The following KAT6A variants were observed in gnomAD, a reference collection of about 807,000 sequenced individuals.
The protein encoded by KAT6A is lysine acetyltransferase 6A.
In KAT6A, 9 loss-of-function variants were observed where a neutral mutation model predicts 198.4. That is an observed-to-expected ratio of 0.05 (90% CI 0.03 to 0.08). KAT6A has a LOEUF of 0.08. KAT6A is among the 10% of genes least tolerant of loss of function. The probability of loss-of-function intolerance (pLI) is 1.00; values close to 1 mark genes in which losing one functional copy is unlikely to be tolerated. For synonymous variants in KAT6A, 890 were observed against 883.0 expected (o/e 1.01, Z -0.14); for missense variants, 2,077 against 2,509.9 (o/e 0.83, Z 3.69).
At chr8:42,012,638 A>G (rs1826077049) in intron 2 of KAT6A, among the ~76,000 whole-genome samples, 2 of 152,262 alleles carry the variant, frequency 1.3e-5, no homozygotes, top group African/African-American at 4.8e-5. Flanking sequence ...TACTAATTTC[A>G]GACTTCCGAC....
At chr8:42,027,941 C>T (rs1826914960) in intron 2 of KAT6A, among the ~76,000 whole-genome samples, 1 of 152,052 alleles carries the variant, frequency 6.6e-6, no homozygotes, top group Non-Finnish European at 1.5e-5. Context: ...CTTAACTCTG[C>T]TTTTGCTATA....
At chr8:41,998,593 G>C (rs535149355) in intron 2 of KAT6A, among the ~76,000 whole-genome samples, 3 of 152,038 alleles carry the variant, frequency 2.0e-5, no homozygotes, top group Admixed American at 2.0e-4. Flanking sequence ...CCTATGCCTT[G>C]CACTTAGTAT....
At chr8:42,009,924 A>C (rs1474060941) in intron 2 of KAT6A, among the ~76,000 whole-genome samples, 2 of 149,012 alleles carry the variant, frequency 1.3e-5, no homozygotes, top group African/African-American at 2.5e-5. Context: ...ACAAAAAAAA[A>C]CAAAACCACA....
chr8:42,038,748 A>C (rs1827495933), intron 2 of KAT6A, among the ~76,000 whole-genome samples: 1 of 152,212 alleles, frequency 6.6e-6, no homozygotes, highest in South Asian at 2.1e-4. Context: ...TTTTTCTAAT[A>C]ATCTATGTTT....
chr8:42,009,460 C>T (rs1825905005), intron 2 of KAT6A, among the ~76,000 whole-genome samples: 1 of 151,242 alleles, frequency 6.6e-6, no homozygotes, highest in Non-Finnish European at 1.5e-5. Flanking sequence ...AAAAAACACC[C>T]TACATAAAAG....
chr8:42,044,342 AC>A (rs534270793), intron 2 of KAT6A, among the ~76,000 whole-genome samples: 167 of 149,706 alleles, frequency 1.1e-3, no homozygotes, highest in Non-Finnish European at 1.8e-3. Flanking sequence ...CAGGTGATCC[AC>A]CCCCCCCTCG....
intron 2 of KAT6A, among the ~76,000 whole-genome samples, chr8:42,034,449 C>T (rs966260631): frequency 1.3e-5 from 2 of 152,112 alleles, no homozygotes; most frequent in African/African-American, 4.8e-5. Flanking sequence ...TTTGGAGCAA[C>T]GCACGGGAAT....
intron 2 of KAT6A, among the ~76,000 whole-genome samples, chr8:41,989,575 CTAAAA>C: frequency 6.6e-6 from 1 of 151,942 alleles, no homozygotes; most frequent in African/African-American, 2.4e-5. Flanking sequence ...CATAACATAA[CTAAAA>C]TAAAAAATAA....
chr8:41,976,528 A>C (rs541664563), intron 7 of KAT6A, among the ~76,000 whole-genome samples: 1 of 152,224 alleles, frequency 6.6e-6, no homozygotes, highest in East Asian at 1.9e-4. Flanking sequence ...TTACAACTAT[A>C]TTTGTCAAGA....
chr8:42,027,760 T>C (rs1283265386), intron 2 of KAT6A, among the ~76,000 whole-genome samples: 1 of 152,158 alleles, frequency 6.6e-6, no homozygotes, highest in East Asian at 1.9e-4. Context: ...TTTGTATTTT[T>C]TCAGTTTCTA....
chr8:42,045,817 CAAAAAAAAA>C (rs747713066), intron 2 of KAT6A, among the ~76,000 whole-genome samples: 49 of 63,238 alleles, frequency 7.7e-4, no homozygotes, highest in Non-Finnish European at 1.5e-3. Flanking sequence ...ACTAAAAATA[CAAAAAAAAA>C]AAAAAAAAAG....
At chr8:42,051,710 C>G (rs1352713231) in intron 1 of KAT6A, among the ~76,000 whole-genome samples, 191 bp downstream of exon 1, 1 of 145,444 alleles carries the variant, frequency 6.9e-6, no homozygotes, top group Non-Finnish European at 1.5e-5. Context: ...AGCGAGCGAG[C>G]GGGCGGGCGC....
intron 2 of KAT6A, among the ~76,000 whole-genome samples, chr8:41,988,316 A>G (rs16890977): frequency 0.1 from 15,959 of 152,288 alleles, 1,071 homozygotes; most frequent in East Asian, 0.25. Flanking sequence ...AAGAAGCTAG[A>G]TAAGTTCGTG....
chr8:41,946,835 G>A (rs1587727326), intron 11 of KAT6A, 151 bp from the exon 12 acceptor site: 4 of 608,506 alleles, frequency 6.6e-6, no homozygotes, highest in South Asian at 1.9e-5. Flanking sequence ...CCAGCTGGGA[G>A]AAGATAGGAT....
At chr8:42,045,817 C>CAAAAAAAAA (rs747713066) in intron 2 of KAT6A, among the ~76,000 whole-genome samples, 1 of 63,230 alleles carries the variant, frequency 1.6e-5, no homozygotes, top group Non-Finnish European at 3.4e-5. Context: ...ACTAAAAATA[C>CAAAAAAAAA]AAAAAAAAAA....
At chr8:42,004,985 T>C (rs1322078198) in intron 2 of KAT6A, among the ~76,000 whole-genome samples, 1 of 152,164 alleles carries the variant, frequency 6.6e-6, no homozygotes, top group Non-Finnish European at 1.5e-5. Context: ...GTCAGTAGCC[T>C]TGTAAGTCTA....
rs1006915676 is a variant in KAT6A, at chr8:41,940,973, G to A, written c.2908C>T (p.Pro970Ser). The change falls in exon 15 of 17, where the codon CCC (proline) becomes TCC (serine). Residue 970 changes from proline to serine, a missense_variant. Transcript: ENST00000265713. The part of the protein sequence containing the change: ...CRLTEGSERL[P>S]RRYSEGDRAV... The stretch of plus-strand genomic sequence containing the variant: ...CTGTCACCCTCACTGTAGCGACGGG[G>A]CAGCCTCTCACTTCCTTCTGTTAAT... 2.5e-6 allele frequency: 4 copies of A among 1,614,090 alleles called. No homozygotes were observed. The African/African-American group carries it at 4.0e-5, about 16-fold the overall frequency.
chr8:42,014,758 G>C (rs1056169206), intron 2 of KAT6A, among the ~76,000 whole-genome samples: 3 of 152,172 alleles, frequency 2.0e-5, no homozygotes, highest in African/African-American at 7.2e-5. Context: ...TACTCAACTA[G>C]AATAAGTGAC....
intron 9 of KAT6A, among the ~76,000 whole-genome samples, chr8:41,952,194 C>G (rs1462848356): frequency 6.6e-6 from 1 of 152,180 alleles, no homozygotes; most frequent in Admixed American, 6.5e-5. Context: ...GTTTCTTCTT[C>G]AGTAACTGGG....
Sources: gnomAD v4.1 joint callset for allele counts (sites outside exome capture counted in the v4.1 genomes callset) on GRCh38, gnomAD v4.1.1 for gene constraint, MANE v1.5 for transcripts, NCBI Gene and HGNC (gene_info 2026-07-23, HGNC 2026-07-21) for gene names.